The following MCTP1 variants were observed in gnomAD, a reference collection of about 807,000 sequenced individuals.
MCTP1 encodes the protein multiple C2 and transmembrane domain-containing protein 1.
A neutral mutation model predicts 120.6 loss-of-function variants in MCTP1; 69 were observed. The ratio of observed to expected loss-of-function variants is 0.57; its 90% CI spans 0.47 to 0.70. MCTP1 has a LOEUF of 0.70. Among genes scored for constraint, MCTP1 ranks in the 30% least tolerant of loss-of-function variants. The pLI is 0.00. For synonymous variants in MCTP1, 529 were observed against 493.1 expected (o/e 1.07, Z -0.96); for missense variants, 1,203 against 1,248.8 (o/e 0.96, Z 0.55).
intron 1 of MCTP1, among the ~76,000 whole-genome samples, chr5:95,196,486 T>C (rs1465572241): frequency 1.3e-5 from 2 of 152,166 alleles, no homozygotes; most frequent in African/African-American, 4.8e-5. Flanking sequence ...ACTAGGCTCC[T>C]AAGCACAGTA....
chr5:94,926,410 A>C (rs1813135569), intron 6 of MCTP1, among the ~76,000 whole-genome samples: 1 of 151,374 alleles, frequency 6.6e-6, no homozygotes, highest in African/African-American at 2.4e-5. Flanking sequence ...CAAACAAATC[A>C]TGTATATAAA....
intron 19 of MCTP1, among the ~76,000 whole-genome samples, chr5:94,768,318 G>A (rs1231554329): frequency 6.6e-6 from 1 of 152,036 alleles, no homozygotes; most frequent in Non-Finnish European, 1.5e-5. Context: ...GAAAACATAG[G>A]AGAAATACAT....
intron 1 of MCTP1, among the ~76,000 whole-genome samples, chr5:95,139,076 T>C (rs1267045954): frequency 2.0e-5 from 3 of 152,348 alleles, no homozygotes; most frequent in South Asian, 4.1e-4. Context: ...GGTTTTTTTT[T>C]CCTTTCAAAT....
At chr5:95,070,870 G>A (rs889360638) in intron 1 of MCTP1, among the ~76,000 whole-genome samples, 7 of 152,174 alleles carry the variant, frequency 4.6e-5, no homozygotes, top group African/African-American at 1.7e-4. Context: ...CTATGTGGGA[G>A]GGGCTGACTT....
rs980484184 is a variant in MCTP1 at position 94,707,198 on chromosome 5, TAAG to T, written c.*295_*297del. 62 of 245,810 alleles carry T rather than the reference TAAG, an allele frequency of 2.5e-4. No homozygotes were observed. Among genetic ancestry groups the T allele is most frequent in the Admixed American group, 2.1e-4 (4 of 18,984 alleles). 15.2% of individuals were successfully genotyped at this position (245,810 alleles called of 1,614,324 possible). On this transcript the variant is annotated 3_prime_UTR_variant, in exon 23 of 23. Coordinates refer to ENST00000515393, the MANE Select transcript of MCTP1 (RefSeq NM_024717.7). Reference sequence around the variant, plus strand: ...AGTATTTAATCCACTAGTAATTAGATAAGAATATATCTTCCAGTGTTATCATTC... The same window carrying T: ...AGTATTTAATCCACTAGTAATTAGATAATATATCTTCCAGTGTTATCATTC...
chr5:95,207,832 TAAC>T (rs535245062), intron 1 of MCTP1, among the ~76,000 whole-genome samples: 67 of 150,394 alleles, frequency 4.5e-4, no homozygotes, highest in African/African-American at 1.6e-3. Context: ...GGAGAGAAAT[TAAC>T]AACGAGGAGA....
chr5:94,713,934 G>T (rs1758049352), intron 20 of MCTP1, among the ~76,000 whole-genome samples: 1 of 152,178 alleles, frequency 6.6e-6, no homozygotes, highest in East Asian at 1.9e-4. Context: ...ACAATGAAGA[G>T]ATACATTATA....
intron 1 of MCTP1, among the ~76,000 whole-genome samples, chr5:95,170,200 T>C (rs1272440040): frequency 6.6e-6 from 1 of 152,244 alleles, no homozygotes; most frequent in Non-Finnish European, 1.5e-5. Context: ...GGTTGTTCAG[T>C]TTCCATGTAG....
At chr5:95,231,156 A>T (rs963867365) in intron 1 of MCTP1, among the ~76,000 whole-genome samples, 1 of 152,222 alleles carries the variant, frequency 6.6e-6, no homozygotes, top group African/African-American at 2.4e-5. Flanking sequence ...AAATAAAAAT[A>T]ATTCAAAAAG....
chr5:94,961,736 T>C (rs1208186332), intron 2 of MCTP1, among the ~76,000 whole-genome samples: 1 of 152,168 alleles, frequency 6.6e-6, no homozygotes, highest in African/African-American at 2.4e-5. Context: ...CACAAGAAAA[T>C]AATTCTTTAT....
chr5:94,836,017 A>C (rs1036562887), intron 17 of MCTP1, among the ~76,000 whole-genome samples: 1 of 151,730 alleles, frequency 6.6e-6, no homozygotes, highest in African/African-American at 2.4e-5. Flanking sequence ...ACAAACAAAC[A>C]AACAAACAAA....
chr5:94,880,458 C>T (rs574553586), intron 12 of MCTP1, among the ~76,000 whole-genome samples: 2 of 152,124 alleles, frequency 1.3e-5, no homozygotes, highest in Non-Finnish European at 2.9e-5. Flanking sequence ...GGTGATTAAA[C>T]ATTTTAAATA....
At chr5:94,962,131 TA>T (rs72545438) in intron 2 of MCTP1, among the ~76,000 whole-genome samples, 2 of 134,062 alleles carry the variant, frequency 1.5e-5, no homozygotes, top group Admixed American at 7.5e-5. Flanking sequence ...ATAATAATAA[TA>T]AAAAAAAAGA....
At chr5:95,106,204 G>A (rs1029152640) in intron 1 of MCTP1, among the ~76,000 whole-genome samples, 1 of 152,184 alleles carries the variant, frequency 6.6e-6, no homozygotes. Flanking sequence ...ATACACTTTT[G>A]TCTTGCACAA....
chr5:94,784,370 G>A (rs1777187837), intron 18 of MCTP1, among the ~76,000 whole-genome samples: 1 of 152,080 alleles, frequency 6.6e-6, no homozygotes, highest in Admixed American at 6.5e-5. Flanking sequence ...TATTGATGGA[G>A]AAGACGCATA....
intron 21 of MCTP1, chr5:94,708,999 C>CTTTTCCAAAAGATGCACCTTTTT (rs1198440233): frequency 1.9e-5 from 3 of 156,034 alleles, no homozygotes; most frequent in African/African-American, 7.2e-5. Context: ...TTGGTTTCCC[C>CTTTTCCAAAAGATGCACCTTTTT]TTTTCCAAAA....
rs528327802 is a variant in MCTP1 at position 94,732,834 on chromosome 5, G to T, written c.2611-17948C>A. Among the ~76,000 whole-genome samples, 3 of 152,292 alleles carry T rather than the reference G, an allele frequency of 2.0e-5. No homozygotes were observed. The South Asian group carries it at 6.2e-4, about 32-fold the overall frequency. On this transcript the variant is annotated intron_variant, in intron 19 of 22. Transcript: ENST00000515393. ...TCGATCTTGGACTTTCTAGCCTCCA[G>T]AACTGTGAGATACAAGTTTCTGTTG...
At chr5:94,997,765 A>AT (rs1428596845) in intron 2 of MCTP1, among the ~76,000 whole-genome samples, 1 of 152,116 alleles carries the variant, frequency 6.6e-6, no homozygotes, top group Admixed American at 6.6e-5. Flanking sequence ...TTATTTATGT[A>AT]TTTTTTCAAT....
At chr5:94,971,254 A>T (rs1034196737) in intron 2 of MCTP1, among the ~76,000 whole-genome samples, 1 of 152,182 alleles carries the variant, frequency 6.6e-6, no homozygotes, top group African/African-American at 2.4e-5. Context: ...TTTCTAGGAA[A>T]CTAAAAATTA....
Sources: gnomAD v4.1 joint callset for allele counts (sites outside exome capture counted in the v4.1 genomes callset) on GRCh38, gnomAD v4.1.1 for gene constraint, MANE v1.5 for transcripts, NCBI Gene and HGNC (gene_info 2026-07-23, HGNC 2026-07-21) for gene names.